SRD5A3: variants seen among roughly 807,000 people sequenced by gnomAD.
SRD5A3 encodes the protein steroid 5 alpha-reductase 3.
A neutral mutation model predicts 34.3 loss-of-function variants in SRD5A3; 24 were observed. The observed-to-expected ratio is 0.70, with a 90% CI of 0.51 to 0.99. The LOEUF is 0.99. SRD5A3 is among the 50% of genes least tolerant of loss of function. SRD5A3 has a pLI of 0.00. For missense variants in SRD5A3, 350 were observed against 388.2 expected (o/e 0.90, Z 0.83); for synonymous variants, 161 against 167.3 (o/e 0.96, Z 0.29).
intron 1 of SRD5A3, among the ~76,000 whole-genome samples, chr4:55,358,107 G>A (rs1719536945): frequency 6.6e-6 from 1 of 152,118 alleles, no homozygotes; most frequent in African/African-American, 2.4e-5. Flanking sequence ...AGAAGGAGTG[G>A]GATTTAATAT....
intron 1 of SRD5A3, among the ~76,000 whole-genome samples, chr4:55,355,196 C>T (rs1414430364): frequency 1.3e-5 from 2 of 152,154 alleles, no homozygotes; most frequent in African/African-American, 2.4e-5. Context: ...CGGTGGCTCA[C>T]GCCTGTAATC....
At position 55,370,180 on chromosome 4, in the gene SRD5A3, A is replaced by G; in HGVS notation, c.*89A>G. ...CTGGAGCCCAAAGTACAGTTTCAGCAAAGCTGTTTGAAACTCTCCATTCCA... is the reference window on the plus strand; with the variant it reads ...CTGGAGCCCAAAGTACAGTTTCAGCGAAGCTGTTTGAAACTCTCCATTCCA... On this transcript the variant is annotated 3_prime_UTR_variant, in exon 5 of 5. Coordinates refer to ENST00000264228, the MANE Select transcript of SRD5A3 (RefSeq NM_024592.5). 1 of 1,551,928 alleles carries G rather than the reference A, an allele frequency of 6.4e-7. No homozygotes were observed. Among genetic ancestry groups the G allele is most frequent in the Non-Finnish European group, 8.8e-7 (1 of 1,134,166 alleles).
intron 1 of SRD5A3, among the ~76,000 whole-genome samples, chr4:55,348,210 A>G (rs941768768): frequency 1.3e-5 from 2 of 152,166 alleles, no homozygotes; most frequent in Non-Finnish European, 2.9e-5. Flanking sequence ...CCAGAATTCT[A>G]CAGTAGAACC....
chr4:55,346,521 G>T lies in SRD5A3; in HGVS notation c.185G>T (p.Arg62Leu). The T allele has an allele frequency of 1.3e-6, 2 of 1,596,704 alleles. No individual in the cohort carries two copies. The highest frequency in any genetic ancestry group is 1.1e-5 in the South Asian group (1 of 89,162). Residue 62 changes from arginine to leucine, a missense_variant, in exon 1 of 5, where the codon CGC becomes CTC. By Grantham distance (102) the Arg-to-Leu change is moderately radical (BLOSUM62 -2). This residue lies in a region of SRD5A3 where 159 missense variants were observed against 149.1 expected (regional missense o/e 1.07). Transcript: ENST00000264228. ...AAAACCAAGTGTGGGGAGCCGTCGC[G>T]CCCCGCCGCCTGCCGAGCCTTTGAT... ...YGKTKCGEPS[R>L]PAACRAFDVP...
At position 55,367,652 on chromosome 4, in the gene SRD5A3, G is replaced by T; in HGVS notation, c.627G>T (p.Met209Ile). 1 of 1,614,074 alleles carries T rather than the reference G, an allele frequency of 6.2e-7. No individual in the cohort carries two copies. Among genetic ancestry groups the T allele is most frequent in the Non-Finnish European group, 8.5e-7 (1 of 1,180,000 alleles). ...GGTTCCATATTCTTGGGATGATGAT[G>T]TTCATCTGGTCATCTGCCCATCAGT... Reference protein sequence around the residue: ...ARWFHILGMMMFIWSSAHQYK... With the variant: ...ARWFHILGMMIFIWSSAHQYK... Residue 209 changes from methionine to isoleucine, a missense_variant, in exon 4 of 5, where the codon ATG becomes ATT. Met to Ile is a conservative substitution (Grantham distance 10, BLOSUM62 1). Transcript: ENST00000264228.
chr4:55,347,052 T>C (rs1198781087), intron 1 of SRD5A3, among the ~76,000 whole-genome samples: 1 of 152,182 alleles, frequency 6.6e-6, no homozygotes, highest in Admixed American at 6.5e-5. Flanking sequence ...TTCCCAACCC[T>C]TGCAGTGGGG....
At chr4:55,347,624 T>C (rs7691585) in intron 1 of SRD5A3, among the ~76,000 whole-genome samples, 2,055 of 152,194 alleles carry the variant, frequency 0.014, 44 homozygotes, top group African/African-American at 0.047. Context: ...AAATACCTTG[T>C]ATTTAAAAAA....
intron 1 of SRD5A3, among the ~76,000 whole-genome samples, chr4:55,347,009 C>G (rs1428434746): frequency 6.6e-6 from 1 of 152,232 alleles, no homozygotes; most frequent in Non-Finnish European, 1.5e-5. Context: ...TGAAGTTAGG[C>G]CGGCTCTTCG....
At chr4:55,368,112 C>A (rs1719971305) in intron 4 of SRD5A3, among the ~76,000 whole-genome samples, 1 of 152,134 alleles carries the variant, frequency 6.6e-6, no homozygotes, top group African/African-American at 2.4e-5. Context: ...CGCAGTGGCT[C>A]ACGCCTGTAA....
chr4:55,351,979 GTC>G (rs1719212691), intron 1 of SRD5A3: 17 of 757,292 alleles, frequency 2.2e-5, no homozygotes, highest in South Asian at 1.6e-4. Context: ...TGTACTAAGA[GTC>G]ATCTGCTTAG....
intron 1 of SRD5A3, among the ~76,000 whole-genome samples, chr4:55,349,949 C>T (rs1254657156): frequency 2.0e-5 from 3 of 152,116 alleles, no homozygotes; most frequent in Non-Finnish European, 4.4e-5. Flanking sequence ...GTATCTGTAA[C>T]TCTGTGATAG....
chr4:55,360,745 A>G (rs1263268483), intron 2 of SRD5A3, among the ~76,000 whole-genome samples: 1 of 149,716 alleles, frequency 6.7e-6, no homozygotes, highest in Non-Finnish European at 1.5e-5. Context: ...CTGGAGTGCA[A>G]TGGTGCAATC....
rs945843452 is a variant in SRD5A3, at chr4:55,370,913, C to T, written c.*822C>T. On this transcript the variant is annotated 3_prime_UTR_variant, in exon 5 of 5. Transcript: ENST00000264228. ...AAAATAATAATAATATATAATTTTA[C>T]ACCAAAAGTTTCAGGAAAAAACGAG... 21 of 152,086 alleles carry T rather than the reference C, an allele frequency of 1.4e-4. No individual in the cohort carries two copies. Among genetic ancestry groups the T allele is most frequent in the African/African-American group, 5.1e-4 (21 of 41,408 alleles). The allele number at this position is 152,086 out of a possible 1,614,324, so 9.4% of individuals were successfully genotyped here. A position where few individuals can be genotyped will look rare whatever the true frequency, so the allele number is the denominator to read the frequency against.
Position 55,370,431 on chromosome 4 carries a change from TCA to T in SRD5A3, c.*381_*382del, listed in dbSNP as rs3034886. 0.25 allele frequency: 55,595 copies of T among 224,528 alleles called. 6,358 individuals are homozygous for T. Among genetic ancestry groups the T allele is most frequent in the East Asian group, 0.45 (3,779 of 8,344 alleles). The allele number at this position is 224,528 out of a possible 1,614,324, so 13.9% of individuals were successfully genotyped here. A position where few individuals can be genotyped will look rare whatever the true frequency, so the allele number is the denominator to read the frequency against. ...AAAAACCGAAAATATACAAACAGCT[TCA>T]CACACACACACACACACACACACAC... On this transcript the variant is annotated 3_prime_UTR_variant, in exon 5 of 5. Coordinates refer to ENST00000264228, the MANE Select transcript of SRD5A3 (RefSeq NM_024592.5).
At chr4:55,355,148 G>GT (rs1416860777) in intron 1 of SRD5A3, among the ~76,000 whole-genome samples, 1 of 152,178 alleles carries the variant, frequency 6.6e-6, no homozygotes, top group Non-Finnish European at 1.5e-5. Context: ...CAAGAGCTAT[G>GT]ACTTGTTCTA....
intron 1 of SRD5A3, among the ~76,000 whole-genome samples, chr4:55,349,802 T>C (rs1719122210): frequency 6.6e-6 from 1 of 152,180 alleles, no homozygotes; most frequent in Admixed American, 6.5e-5. Flanking sequence ...TAACTGGAGG[T>C]TCAGAGGATC....
chr4:55,367,449 C>T lies in SRD5A3; in HGVS notation c.563-139C>T, dbSNP rs1394491019. On this transcript the variant is annotated intron_variant, in intron 3 of 4. Transcript: ENST00000264228. ...GGGATATTGAGGAACAGGTTCCCCTCTTTGTACTTGGGAAATTATATTAGG... is the reference window on the plus strand; with the variant it reads ...GGGATATTGAGGAACAGGTTCCCCTTTTTGTACTTGGGAAATTATATTAGG... 6.9e-6 allele frequency: 7 copies of T among 1,010,330 alleles called. No homozygotes were observed. In the African/African-American group the frequency reaches 1.1e-4, roughly 16 times the overall value. The allele number at this position is 1,010,330 out of a possible 1,614,324, so 62.6% of individuals were successfully genotyped here.
intron 4 of SRD5A3, among the ~76,000 whole-genome samples, chr4:55,368,750 T>TATTTATTTA (rs1720005853): frequency 6.8e-6 from 1 of 146,964 alleles, no homozygotes; most frequent in Admixed American, 6.8e-5. Context: ...TTTATTTATT[T>TATTTATTTA]ATTTTTGAGA....
chr4:55,351,319 A>T (rs1578201416), intron 1 of SRD5A3, among the ~76,000 whole-genome samples: 1 of 151,532 alleles, frequency 6.6e-6, no homozygotes, highest in Admixed American at 6.6e-5. Flanking sequence ...TGATCCACCC[A>T]CCTCGGCCTC....
Sources: gnomAD v4.1 joint callset for allele counts (sites outside exome capture counted in the v4.1 genomes callset) on GRCh38, gnomAD v4.1.1 for gene constraint, gnomAD v4.1.1 regional missense constraint, MANE v1.5 for transcripts, NCBI Gene and HGNC (gene_info 2026-07-23, HGNC 2026-07-21) for gene names.